RNF144A: variants seen among roughly 807,000 people sequenced by gnomAD.
RNF144A encodes ring finger protein 144A, also known as E3 ubiquitin-protein ligase RNF144A.
A neutral mutation model predicts 38.7 loss-of-function variants in RNF144A; 11 were observed. The ratio of observed to expected loss-of-function variants is 0.28; its 90% CI spans 0.18 to 0.47. The LOEUF (loss-of-function observed/expected upper bound fraction) is 0.47. RNF144A is among the 20% of genes least tolerant of loss of function. The pLI is 0.99. For missense variants in RNF144A, 316 were observed against 377.2 expected (o/e 0.84, Z 1.34); for synonymous variants, 149 against 143.9 (o/e 1.04, Z -0.25).
intron 2 of RNF144A, among the ~76,000 whole-genome samples, chr2:6,956,973 G>A (rs1667047802): frequency 6.6e-6 from 1 of 152,196 alleles, no homozygotes; most frequent in South Asian, 2.1e-4. Flanking sequence ...GGCATCAGGA[G>A]CAAAGTCTGG....
chr2:7,001,389 CTT>C (rs34578344), intron 3 of RNF144A, among the ~76,000 whole-genome samples: 4 of 150,666 alleles, frequency 2.7e-5, no homozygotes, highest in African/African-American at 9.8e-5. Context: ...AAAAGTGTAA[CTT>C]TTTGCCCAGG....
rs114749650 is a variant in RNF144A, at chr2:6,958,969, G to A, written c.-12+17822G>A. Among the ~76,000 whole-genome samples, 3,550 of 152,290 alleles carry A rather than the reference G, an allele frequency of 0.023. 145 individuals are homozygous for A. Among genetic ancestry groups the A allele is most frequent in the African/African-American group, 0.082 (3,413 of 41,544 alleles). On this transcript the variant is annotated intron_variant, in intron 2 of 8. Coordinates refer to ENST00000320892, the MANE Select transcript of RNF144A (RefSeq NM_014746.6). The surrounding 1 kb of genome is among the most constrained non-coding windows in gnomAD (Gnocchi z 4.5). ...CATTAGATCATCTTGCAGGTGCAGCGTGGGCGTCCAGTTACTGCTCTCCGG... is the reference window on the plus strand; with the variant it reads ...CATTAGATCATCTTGCAGGTGCAGCATGGGCGTCCAGTTACTGCTCTCCGG...
chr2:6,966,827 T>C (rs949932975), intron 2 of RNF144A, among the ~76,000 whole-genome samples: 6 of 152,214 alleles, frequency 3.9e-5, no homozygotes, highest in Non-Finnish European at 8.8e-5. Context: ...AAGGCGATTC[T>C]TGAGCTGCTG....
rs1346841154 is a variant in RNF144A at position 6,958,424 on chromosome 2, G to C, written c.-12+17277G>C. On this transcript the variant is annotated intron_variant, in intron 2 of 8. Coordinates refer to ENST00000320892, the MANE Select transcript of RNF144A (RefSeq NM_014746.6). The surrounding 1 kb of genome is among the most constrained non-coding windows in gnomAD (Gnocchi z 4.5). The stretch of plus-strand genomic sequence containing the variant: ...AGAATATTGCATTTTAGGTAGAGCA[G>C]CTGATTAAAGTTCTCGGGCCAGATG... Among the ~76,000 whole-genome samples the C allele has an allele frequency of 2.6e-5, 4 of 152,204 alleles. No individual in the cohort carries two copies. The highest frequency in any genetic ancestry group is 5.9e-5 in the Non-Finnish European group (4 of 68,050).
At chr2:6,975,603 G>T (rs1251260608) in intron 2 of RNF144A, among the ~76,000 whole-genome samples, 2 of 152,134 alleles carry the variant, frequency 1.3e-5, no homozygotes, top group Non-Finnish European at 2.9e-5. Flanking sequence ...CAGGCACATT[G>T]CTTGAGATCA....
chr2:7,014,578 C>T lies in RNF144A; in HGVS notation c.240+20C>T. ...AACGAGGCATGTGCAATTGAACAGACTGGGCTGTTTGATGTGCACAGGCGT... is the reference window on the plus strand; with the variant it reads ...AACGAGGCATGTGCAATTGAACAGATTGGGCTGTTTGATGTGCACAGGCGT... On this transcript the variant is annotated intron_variant, in intron 4 of 8. Coordinates refer to ENST00000320892, the MANE Select transcript of RNF144A (RefSeq NM_014746.6). The T allele has an allele frequency of 6.3e-7, 1 of 1,577,808 alleles. No homozygotes were observed. The highest frequency in any genetic ancestry group is 8.7e-7 in the Non-Finnish European group (1 of 1,154,900).
intron 3 of RNF144A, among the ~76,000 whole-genome samples, chr2:7,005,959 T>A (rs1260676428): frequency 2.0e-5 from 3 of 150,884 alleles, no homozygotes; most frequent in Non-Finnish European, 4.4e-5. Flanking sequence ...TGAACTGAAG[T>A]GCTGTTAGAG....
chr2:6,966,901 AC>A (rs1400559756), intron 2 of RNF144A, among the ~76,000 whole-genome samples: 1 of 152,068 alleles, frequency 6.6e-6, no homozygotes, highest in African/African-American at 2.4e-5. Flanking sequence ...GGCCACTTCC[AC>A]CCGGAAGCCC....
At chr2:6,922,287 C>T (rs918564785) in intron 1 of RNF144A, among the ~76,000 whole-genome samples, 4 of 152,052 alleles carry the variant, frequency 2.6e-5, no homozygotes, top group South Asian at 2.1e-4. Flanking sequence ...TGGATATGGC[C>T]GTGCAGGCTC....
At chr2:7,056,100 G>A (rs972359927) in intron 6 of RNF144A, among the ~76,000 whole-genome samples, 1 of 152,156 alleles carries the variant, frequency 6.6e-6, no homozygotes, top group Non-Finnish European at 1.5e-5. Flanking sequence ...TTTAGCATTA[G>A]AGTTAATGAC....
At chr2:7,073,700 C>A in the RNF144A span, among the ~76,000 whole-genome samples, 4 of 152,218 alleles carry the variant, frequency 2.6e-5, no homozygotes, top group Non-Finnish European at 5.9e-5. Flanking sequence ...CTATGCCAGA[C>A]GCTGTTCTAA....
At chr2:7,047,503 G>A (rs1203409897), downstream of RNF144A, among the ~76,000 whole-genome samples, 1 of 152,170 alleles carries the variant, frequency 6.6e-6, no homozygotes, top group African/African-American at 2.4e-5. Flanking sequence ...ATCACATCTC[G>A]TGAGACTTCT....
At chr2:6,929,265 A>G (rs868185294) in intron 1 of RNF144A, among the ~76,000 whole-genome samples, 28 of 152,202 alleles carry the variant, frequency 1.8e-4, no homozygotes, top group African/African-American at 6.8e-4. Context: ...TGGAAGTCAC[A>G]TGTCCCTGAG....
At position 7,042,107 on chromosome 2, in the gene RNF144A, A is replaced by T. The variant is rs1673081558; in HGVS notation, c.*2347A>T. 1 of 985,250 alleles carries T rather than the reference A, an allele frequency of 1.0e-6. No individual in the cohort carries two copies. The highest frequency in any genetic ancestry group is 6.2e-5 in the Admixed American group (1 of 16,256). The allele number at this position is 985,250 out of a possible 1,614,324, so 61.0% of individuals were successfully genotyped here. ...CCTCAGTTTCCTCATTTTGATCTAG[A>T]TATAAAATTAAAATTGTCCATTTCC... On this transcript the variant is annotated 3_prime_UTR_variant, in exon 9 of 9. Coordinates refer to ENST00000320892, the MANE Select transcript of RNF144A (RefSeq NM_014746.6).
At chr2:7,053,897 A>G (rs2103475009) in intron 6 of RNF144A, among the ~76,000 whole-genome samples, 2 of 152,334 alleles carry the variant, frequency 1.3e-5, no homozygotes. Context: ...CCGATGCCAT[A>G]CAGGTGCTCT....
chr2:7,053,023 T>C (rs184247577), intron 6 of RNF144A, among the ~76,000 whole-genome samples: 12 of 152,384 alleles, frequency 7.9e-5, no homozygotes, highest in Non-Finnish European at 1.6e-4. Context: ...TTCTACAACA[T>C]AATTTTTCAG....
At chr2:7,057,960 G>A (rs1016803173) in intron 6 of RNF144A, among the ~76,000 whole-genome samples, 5 of 152,204 alleles carry the variant, frequency 3.3e-5, no homozygotes, top group African/African-American at 1.2e-4. Flanking sequence ...GGGATGTTCA[G>A]GTTTAAACGA....
At chr2:6,966,926 A>G (rs1313730147) in intron 2 of RNF144A, among the ~76,000 whole-genome samples, 1 of 152,176 alleles carries the variant, frequency 6.6e-6, no homozygotes, top group African/African-American at 2.4e-5. Flanking sequence ...TGATCCTTGA[A>G]GATCCATGCT....
At chr2:6,949,730 G>A (rs1318321689) in intron 2 of RNF144A, among the ~76,000 whole-genome samples, 3 of 151,960 alleles carry the variant, frequency 2.0e-5, no homozygotes, top group Non-Finnish European at 4.4e-5. Flanking sequence ...TTGGATTTTC[G>A]GAATTCATTC....
Sources: allele counts gnomAD v4.1 joint callset (sites outside exome capture counted in the v4.1 genomes callset), GRCh38; gene constraint gnomAD v4.1.1; non-coding constraint Gnocchi (gnomAD v3.1); transcripts MANE v1.5; gene names NCBI Gene and HGNC (gene_info 2026-07-23, HGNC 2026-07-21).